The following PSD3 variants were observed in gnomAD, a reference collection of about 807,000 sequenced individuals.
PSD3 encodes the protein pleckstrin and Sec7 domain containing 3, also known as PH and SEC7 domain-containing protein 3.
PSD3 carries 49 observed loss-of-function variants against 105.5 expected under a neutral mutation model. That is an observed-to-expected ratio of 0.46 (90% CI 0.37 to 0.59). PSD3 has a LOEUF of 0.59. Among genes scored for constraint, PSD3 ranks in the 20% least tolerant of loss-of-function variants. The probability of loss-of-function intolerance (pLI) is 0.00; values close to 1 mark genes in which losing one functional copy is unlikely to be tolerated. For missense variants in PSD3, 1,561 were observed against 1,263.8 expected, an observed-to-expected ratio of 1.24 and a Z score of -3.57; for synonymous variants, 557 against 457.8, an observed-to-expected ratio of 1.22 and a Z score of -2.77.
intron 7 of PSD3, among the ~76,000 whole-genome samples, chr8:18,800,278 G>T (rs1028651120): frequency 6.6e-6 from 1 of 152,094 alleles, no homozygotes; most frequent in African/African-American, 2.4e-5. Context: ...TCTTGTCAGG[G>T]CTAATGGTGA....
At chr8:18,703,743 G>A (rs1382617459) in intron 9 of PSD3, among the ~76,000 whole-genome samples, 1 of 152,154 alleles carries the variant, frequency 6.6e-6, no homozygotes, top group Non-Finnish European at 1.5e-5. Context: ...AAAATAACAT[G>A]AATATGTTGC....
upstream of PSD3, among the ~76,000 whole-genome samples, chr8:19,015,770 A>G (rs1020531454): frequency 6.6e-6 from 1 of 152,238 alleles, no homozygotes; most frequent in African/African-American, 2.4e-5. Flanking sequence ...AGCATGATAA[A>G]TTAAGGAAAG....
chr8:18,856,649 TGAG>T (rs1216429438), intron 4 of PSD3, among the ~76,000 whole-genome samples: 1 of 152,206 alleles, frequency 6.6e-6, no homozygotes, highest in Non-Finnish European at 1.5e-5. Context: ...TTGTTTGCGT[TGAG>T]GTGGGGCTTC....
chr8:18,819,483 G>A (rs1261446927), intron 4 of PSD3, among the ~76,000 whole-genome samples: 4 of 150,282 alleles, frequency 2.7e-5, no homozygotes, highest in African/African-American at 9.8e-5. Flanking sequence ...CAAAAGTGCT[G>A]TTTTTGGCAA....
intron 1 of PSD3, among the ~76,000 whole-genome samples, chr8:19,018,763 C>T (rs1163781287): frequency 6.6e-6 from 1 of 152,180 alleles, no homozygotes; most frequent in African/African-American, 2.4e-5. Context: ...AAAAATTTGA[C>T]TACCCAAGTC....
chr8:18,751,722 AGAG>A, intron 9 of PSD3, among the ~76,000 whole-genome samples: 1 of 150,442 alleles, frequency 6.6e-6, no homozygotes, highest in African/African-American at 2.5e-5. Flanking sequence ...AACCGCTCTT[AGAG>A]GAAGGTGTTT....
chr8:19,040,335 G>A (rs1424635820), intron 1 of PSD3, among the ~76,000 whole-genome samples: 1 of 152,072 alleles, frequency 6.6e-6, no homozygotes, highest in East Asian at 1.9e-4. Flanking sequence ...CCAAGCAGCT[G>A]GGGCTACCAC....
intron 9 of PSD3, among the ~76,000 whole-genome samples, chr8:18,735,967 A>G (rs1804120940): frequency 6.6e-6 from 1 of 152,222 alleles, no homozygotes; most frequent in African/African-American, 2.4e-5. Flanking sequence ...TATGGATCTA[A>G]CTATAAATCT....
At chr8:18,986,240 C>T (rs529989862) in intron 1 of PSD3, among the ~76,000 whole-genome samples, 1 of 152,126 alleles carries the variant, frequency 6.6e-6, no homozygotes, top group African/African-American at 2.4e-5. Flanking sequence ...ATATAAATGA[C>T]TGTCATTAGA....
At chr8:18,606,525 T>A (rs1804844375) in intron 11 of PSD3, among the ~76,000 whole-genome samples, 1 of 152,206 alleles carries the variant, frequency 6.6e-6, no homozygotes, top group South Asian at 2.1e-4. Context: ...CTGTAGGCCA[T>A]CACATTGCAA....
intron 8 of PSD3, among the ~76,000 whole-genome samples, chr8:18,767,350 C>T (rs1010827344): frequency 1.3e-5 from 2 of 152,182 alleles, no homozygotes; most frequent in African/African-American, 4.8e-5. Context: ...CAGCAAGATA[C>T]ATCTGTTACG....
intron 9 of PSD3, among the ~76,000 whole-genome samples, chr8:18,705,857 T>C (rs936673129): frequency 6.6e-6 from 1 of 152,182 alleles, no homozygotes; most frequent in Non-Finnish European, 1.5e-5. Context: ...TACAAACGTA[T>C]TTTGTATGTG....
intron 10 of PSD3, among the ~76,000 whole-genome samples, chr8:18,647,847 C>T (rs889978577): frequency 1.3e-5 from 2 of 152,092 alleles, no homozygotes; most frequent in Non-Finnish European, 2.9e-5. Context: ...ATCATGAGAT[C>T]TGGTTGTTTA....
intron 9 of PSD3, among the ~76,000 whole-genome samples, chr8:18,722,842 A>T (rs1189947441): frequency 6.6e-6 from 1 of 152,164 alleles, no homozygotes; most frequent in Non-Finnish European, 1.5e-5. Flanking sequence ...ACTGGAGTAC[A>T]ATATGCCCTC....
intron 1 of PSD3, among the ~76,000 whole-genome samples, chr8:19,074,587 AT>A (rs1829386353): frequency 1.0e-4 from 1 of 9,918 alleles, no homozygotes; most frequent in East Asian, 0.015. Context: ...CAACTCAGAT[AT>A]ATACATATAT....
chr8:18,788,561 G>A (rs1318993805), intron 8 of PSD3, among the ~76,000 whole-genome samples: 1 of 152,184 alleles, frequency 6.6e-6, no homozygotes, highest in African/African-American at 2.4e-5. Flanking sequence ...CTGATTCAGA[G>A]GTTGAAGAAT....
chr8:19,055,549 G>A (rs1191329229), intron 1 of PSD3, among the ~76,000 whole-genome samples: 7 of 152,292 alleles, frequency 4.6e-5, no homozygotes, highest in South Asian at 2.1e-4. Context: ...CACCGTGCCC[G>A]GCCGATTTGT....
intron 2 of PSD3, among the ~76,000 whole-genome samples, chr8:18,923,195 A>G (rs1474301951): frequency 1.7e-5 from 2 of 117,302 alleles, no homozygotes; most frequent in South Asian, 2.6e-4. Flanking sequence ...ATGAGCTTTG[A>G]AAAAAAAACC....
intron 13 of PSD3, 85 bp downstream of exon 13, chr8:18,575,043 C>A: frequency 4.3e-6 from 6 of 1,405,652 alleles, no homozygotes; most frequent in Non-Finnish European, 9.4e-7. Flanking sequence ...AAAATTTCCC[C>A]TGCAGAGCTT....
Sources: gnomAD v4.1 joint callset for allele counts (sites outside exome capture counted in the v4.1 genomes callset) on GRCh38, gnomAD v4.1.1 for gene constraint, MANE v1.5 for transcripts, NCBI Gene and HGNC (gene_info 2026-07-23, HGNC 2026-07-21) for gene names.